Variants in DLGAP1 observed in about 807,000 individuals in gnomAD.
DLGAP1 encodes DLG associated protein 1, also known as disks large-associated protein 1.
DLGAP1 carries 11 observed loss-of-function variants against 90.8 expected under a neutral mutation model. The observed-to-expected ratio is 0.12, with a 90% CI of 0.08 to 0.20. DLGAP1 has a LOEUF of 0.20. Ranked by LOEUF, DLGAP1 falls within the 10% of genes least tolerant of loss-of-function variation. The pLI, the probability that DLGAP1 is intolerant of heterozygous loss-of-function variation, is 1.00. For synonymous variants in DLGAP1, 558 were observed against 540.7 expected, an observed-to-expected ratio of 1.03 and a Z score of -0.44; for missense variants, 1,050 against 1,333.8, an observed-to-expected ratio of 0.79 and a Z score of 3.31.
chr18:3,715,103 A>G (rs1393474286), intron 7 of DLGAP1, among the ~76,000 whole-genome samples: 1 of 152,212 alleles, frequency 6.6e-6, no homozygotes, highest in Non-Finnish European at 1.5e-5. Flanking sequence ...GAAGAAGCTC[A>G]ACTGCTTATT....
At chr18:3,631,189 G>T (rs1012259243) in intron 7 of DLGAP1, among the ~76,000 whole-genome samples, 5 of 151,190 alleles carry the variant, frequency 3.3e-5, no homozygotes, top group Admixed American at 6.6e-5. Flanking sequence ...TCACCATGTT[G>T]GTCAGGCTAG....
chr18:4,102,587 A>G (rs1293899310), intron 2 of DLGAP1, among the ~76,000 whole-genome samples: 1 of 152,198 alleles, frequency 6.6e-6, no homozygotes, highest in Non-Finnish European at 1.5e-5. Flanking sequence ...GTGATGTTTC[A>G]AGGCCCCTGG....
intron 5 of DLGAP1, among the ~76,000 whole-genome samples, chr18:3,773,668 A>G (rs1311775222): frequency 6.6e-6 from 1 of 152,210 alleles, no homozygotes; most frequent in Non-Finnish European, 1.5e-5. Context: ...ACACTGATAA[A>G]AACATCTAGC....
chr18:3,570,260 C>T (rs2054690376), intron 8 of DLGAP1, among the ~76,000 whole-genome samples: 1 of 149,806 alleles, frequency 6.7e-6, no homozygotes. Flanking sequence ...GCTTATTGAC[C>T]TTCCCTCTCC....
intron 1 of DLGAP1, among the ~76,000 whole-genome samples, chr18:4,331,505 G>A (rs1171985653): frequency 6.6e-6 from 1 of 151,684 alleles, no homozygotes; most frequent in Non-Finnish European, 1.5e-5. Context: ...AGCTCCCTCT[G>A]TAACCCACCT....
chr18:4,105,894 T>A lies in DLGAP1; in HGVS notation c.-159+45286A>T, dbSNP rs563101804. Reference sequence around the variant, plus strand: ...AAATACAAAAAAAATTAGCCGGGCGTGGTGGCGGGCACCTGTAGTCCCAGC... The same window carrying A: ...AAATACAAAAAAAATTAGCCGGGCGAGGTGGCGGGCACCTGTAGTCCCAGC... On this transcript the variant is annotated intron_variant, in intron 2 of 12. Transcript: ENST00000315677. 2.0e-3 allele frequency among the ~76,000 whole-genome samples: 304 copies of A among 151,640 alleles called. 3 individuals carry two copies. The highest frequency in any genetic ancestry group is 7.2e-3 in the African/African-American group (296 of 41,370).
intron 1 of DLGAP1, among the ~76,000 whole-genome samples, chr18:4,312,790 A>G (rs2080433006): frequency 6.6e-6 from 1 of 152,350 alleles, no homozygotes; most frequent in Middle Eastern, 3.4e-3. Context: ...AAGTACAGAA[A>G]TAACAGATTT....
At chr18:3,985,255 G>A (rs1396368208) in intron 3 of DLGAP1, among the ~76,000 whole-genome samples, 1 of 152,078 alleles carries the variant, frequency 6.6e-6, no homozygotes, top group East Asian at 1.9e-4. Flanking sequence ...TTATGTTATT[G>A]CTTTCAGTTT....
intron 2 of DLGAP1, among the ~76,000 whole-genome samples, chr18:4,036,632 T>C (rs2074893476): frequency 6.6e-6 from 1 of 152,228 alleles, no homozygotes; most frequent in Admixed American, 6.5e-5. Flanking sequence ...GAATTTAAGA[T>C]TGTCATATTG....
chr18:4,288,893 T>A (rs1337153321), intron 1 of DLGAP1, among the ~76,000 whole-genome samples: 1 of 152,172 alleles, frequency 6.6e-6, no homozygotes, highest in Non-Finnish European at 1.5e-5. Flanking sequence ...GATAAAATGA[T>A]GCTAGAGGGA....
chr18:3,756,141 C>T (rs2063709995), intron 5 of DLGAP1, among the ~76,000 whole-genome samples: 1 of 152,034 alleles, frequency 6.6e-6, no homozygotes, highest in Admixed American at 6.6e-5. Context: ...GCTCCGCCTC[C>T]CGGGTTCACG....
intron 1 of DLGAP1, among the ~76,000 whole-genome samples, chr18:4,209,852 T>C (rs1568452533): frequency 6.6e-6 from 1 of 152,116 alleles, no homozygotes; most frequent in South Asian, 2.1e-4. Flanking sequence ...GCAGAAATAA[T>C]AGAAAAGCCA....
chr18:4,170,819 G>C (rs2077010909), intron 1 of DLGAP1, among the ~76,000 whole-genome samples: 1 of 152,042 alleles, frequency 6.6e-6, no homozygotes, highest in Admixed American at 6.6e-5. Flanking sequence ...TTTCATAACT[G>C]AAAAAGAGTA....
chr18:3,698,941 G>A (rs2061185683), intron 7 of DLGAP1, among the ~76,000 whole-genome samples: 1 of 151,904 alleles, frequency 6.6e-6, no homozygotes, highest in Non-Finnish European at 1.5e-5. Flanking sequence ...TTTGGCTATT[G>A]ATACTTGTGT....
rs141890651 is a variant in DLGAP1 at position 4,011,825 on chromosome 18, C to G, written c.-158-6624G>C. Among the ~76,000 whole-genome samples the G allele has an allele frequency of 1.6e-3, 250 of 151,768 alleles. 4 individuals are homozygous for G. In the East Asian group the frequency reaches 0.032, roughly 19 times the overall value. On this transcript the variant is annotated intron_variant, in intron 2 of 12. Coordinates refer to ENST00000315677, the MANE Select transcript of DLGAP1 (RefSeq NM_004746.4). ...GGTGAGTTCAGTGGTGTGAACATGA[C>G]CCTGTCTCAAACGACAACAACAACA...
chr18:3,844,144 G>A (rs1248432892), intron 4 of DLGAP1, among the ~76,000 whole-genome samples: 1 of 152,166 alleles, frequency 6.6e-6, no homozygotes, highest in African/African-American at 2.4e-5. Context: ...TGAGACAGTA[G>A]GAATAGGAGG....
chr18:3,952,004 G>T (rs2072995896), intron 3 of DLGAP1, among the ~76,000 whole-genome samples: 2 of 152,208 alleles, frequency 1.3e-5, no homozygotes, highest in Non-Finnish European at 2.9e-5. Context: ...GAAGATTTAG[G>T]TTATTAGAAT....
intron 7 of DLGAP1, among the ~76,000 whole-genome samples, chr18:3,651,943 C>G (rs2059322714): frequency 6.6e-6 from 1 of 151,562 alleles, no homozygotes. Flanking sequence ...TGCGCTCCAG[C>G]CTGGGAGACA....
At chr18:3,763,848 G>A (rs924484353) in intron 5 of DLGAP1, among the ~76,000 whole-genome samples, 3 of 152,012 alleles carry the variant, frequency 2.0e-5, no homozygotes, top group Non-Finnish European at 2.9e-5. Flanking sequence ...ATTTAGTACA[G>A]ATGGGGTTTC....
Sources: allele counts gnomAD v4.1 joint callset (sites outside exome capture counted in the v4.1 genomes callset), GRCh38; gene constraint gnomAD v4.1.1; transcripts MANE v1.5; gene names NCBI Gene and HGNC (gene_info 2026-07-23, HGNC 2026-07-21).